The following SPTB variants were observed in gnomAD, a reference collection of about 807,000 sequenced individuals.
SPTB encodes spectrin beta chain, erythrocytic.
Under a neutral mutation model 256.2 loss-of-function variants are expected in SPTB, and 45 were observed. The observed-to-expected ratio is 0.18, with a 90% CI of 0.14 to 0.23. The LOEUF (loss-of-function observed/expected upper bound fraction) is 0.23, where lower values mean the gene tolerates loss of function less well. Ranked by LOEUF, SPTB falls within the 10% of genes least tolerant of loss-of-function variation. The probability of loss-of-function intolerance (pLI) is 1.00; values close to 1 mark genes in which losing one functional copy is unlikely to be tolerated. For missense variants in SPTB, 2,715 were observed against 3,040.4 expected, an observed-to-expected ratio of 0.89 and a Z score of 2.52; for synonymous variants, 1,231 against 1,243.1, an observed-to-expected ratio of 0.99 and a Z score of 0.21.
chr14:64,782,202 C>A, intron 20 of SPTB, 88 bp downstream of exon 20: 4 of 1,595,704 alleles, frequency 2.5e-6, no homozygotes, highest in Non-Finnish European at 2.6e-6. Context: ...CATGTACCCC[C>A]AAACCTAAAA....
rs1293625784 is a variant in SPTB at position 64,793,311 on chromosome 14, C to T, written c.2352G>A (p.Lys784=). Residue 784 remains lysine, a synonymous_variant, in exon 14 of 36, where the codon AAG becomes AAA. Transcript: ENST00000644917. This position sits in a 1 kb window ranked among gnomAD's most constrained non-coding sequence, Gnocchi z 7.0. ...DEGATRALGK[K]HKDFLEELEE... Reference sequence around the variant, plus strand: ...CCAGCTCCTCCAGGAAGTCCTTGTGCTTTTTCCCCAGGGCCCGCGTGGCCC... The same window carrying T: ...CCAGCTCCTCCAGGAAGTCCTTGTGTTTTTTCCCCAGGGCCCGCGTGGCCC... 2.5e-6 allele frequency: 4 copies of T among 1,607,938 alleles called. No homozygotes were observed. Among genetic ancestry groups the T allele is most frequent in the East Asian group, 2.2e-5 (1 of 44,892 alleles).
rs776434582 is a variant in SPTB, at chr14:64,749,083, CCT to C, written c.*221_*222del. On this transcript the variant is annotated 3_prime_UTR_variant, in exon 36 of 36. Coordinates refer to ENST00000644917, the MANE Select transcript of SPTB (RefSeq NM_001355436.2). This position sits in a 1 kb window ranked among gnomAD's most constrained non-coding sequence, Gnocchi z 4.7. ...AAAGGCGCCAGAGGAGCTGGGAGCCCCTGTCCCTGGAGCGGAGCCAGCGCGGG... is the reference window on the plus strand; with the variant it reads ...AAAGGCGCCAGAGGAGCTGGGAGCCCGTCCCTGGAGCGGAGCCAGCGCGGG... 95 of 481,140 alleles carry C rather than the reference CCT, an allele frequency of 2.0e-4. No homozygotes were observed. The highest frequency in any genetic ancestry group is 2.9e-4 in the Non-Finnish European group (80 of 274,748). The allele number at this position is 481,140 out of a possible 1,614,324, so 29.8% of individuals were successfully genotyped here. A position where few individuals can be genotyped will look rare whatever the true frequency, so the allele number is the denominator to read the frequency against.
At position 64,748,468 on chromosome 14, in the gene SPTB, C is replaced by G. The variant is rs2081883876; in HGVS notation, c.*838G>C. 6.6e-6 allele frequency: 1 copy of G among 152,348 alleles called. No individual in the cohort carries two copies. The highest frequency in any genetic ancestry group is 2.1e-4 in the South Asian group (1 of 4,838). The allele number at this position is 152,348 out of a possible 1,614,324, so 9.4% of individuals were successfully genotyped here. A position where few individuals can be genotyped will look rare whatever the true frequency, so the allele number is the denominator to read the frequency against. ...TGACGCACCTGTCACTCCTTCAGAT[C>G]AGAGCCCTGTGCCCTAGCCACGGTT... On this transcript the variant is annotated 3_prime_UTR_variant, in exon 36 of 36. Transcript: ENST00000644917.
At chr14:64,860,733 G>A (rs1321488204) in intron 1 of SPTB, among the ~76,000 whole-genome samples, 1 of 152,140 alleles carries the variant, frequency 6.6e-6, no homozygotes, top group African/African-American at 2.4e-5. Flanking sequence ...AAAAGTCCCT[G>A]CCCTAAAGAA....
chr14:64,788,932 A>G (rs978860790), intron 15 of SPTB, among the ~76,000 whole-genome samples: 1 of 152,212 alleles, frequency 6.6e-6, no homozygotes, highest in Non-Finnish European at 1.5e-5. Context: ...TGTTTGAATG[A>G]CTCACACATA....
intron 29 of SPTB, chr14:64,768,134 T>G (rs760786896): frequency 2.0e-4 from 99 of 504,594 alleles, no homozygotes; most frequent in Non-Finnish European, 3.3e-4. Context: ...CTCAGCCTCC[T>G]GGGTTCAAGT....
chr14:64,767,580 C>T, intron 30 of SPTB, 83 bp downstream of exon 30: 1 of 1,558,208 alleles, frequency 6.4e-7, no homozygotes, highest in South Asian at 1.1e-5. Context: ...AAGTACCTAA[C>T]AACTGGCCTG....
intron 3 of SPTB, 92 bp downstream of exon 3, chr14:64,804,847 A>C: frequency 1.3e-6 from 2 of 1,531,674 alleles, no homozygotes; most frequent in Non-Finnish European, 1.8e-6. Context: ...GAAAACTGGG[A>C]AGGCCAGGAG....
Position 64,852,351 on chromosome 14 carries a change from G to C in SPTB, c.-52+27441C>G, listed in dbSNP as rs191620423. On this transcript the variant is annotated intron_variant, in intron 1 of 35. Transcript: ENST00000644917. The surrounding 1 kb of genome is among the most constrained non-coding windows in gnomAD (Gnocchi z 4.2). ...TGGGAAACTGCTACCAGTTCAGAGAGGGGTGAGAGATAAGGCTGGGGGCCA... is the reference window on the plus strand; with the variant it reads ...TGGGAAACTGCTACCAGTTCAGAGACGGGTGAGAGATAAGGCTGGGGGCCA... Among the ~76,000 whole-genome samples, 41 of 152,290 alleles carry C rather than the reference G, an allele frequency of 2.7e-4. No individual in the cohort carries two copies. In the East Asian group the frequency reaches 7.3e-3, roughly 27 times the overall value.
chr14:64,750,957 T>A (rs1038837468), intron 33 of SPTB, among the ~76,000 whole-genome samples: 3 of 145,902 alleles, frequency 2.1e-5, no homozygotes, highest in Non-Finnish European at 4.5e-5. Context: ...TAATACATAT[T>A]TTATACATCA....
Position 64,779,846 on chromosome 14 carries a change from TCTC to T in SPTB, c.4349_4351del (p.Gly1450del), listed in dbSNP as rs781157097. On this transcript the variant is annotated inframe_deletion, in exon 21 of 36. Transcript: ENST00000644917. This position sits in a 1 kb window ranked among gnomAD's most constrained non-coding sequence, Gnocchi z 4.2. ...CCGCTTCTCGATGCTCAAGTCTGCA[TCTC>T]CTCCCTCCTCTCCCATTGAAGGCAC... 6.2e-7 allele frequency: 1 copy of T among 1,614,046 alleles called. No individual in the cohort carries two copies. Among genetic ancestry groups the T allele is most frequent in the Admixed American group, 1.7e-5 (1 of 60,004 alleles).
In SPTB at chr14:64,749,082, C is replaced by A. The variant is rs1055552966; in HGVS notation, c.*224G>T. On this transcript the variant is annotated 3_prime_UTR_variant, in exon 36 of 36. Coordinates refer to ENST00000644917, the MANE Select transcript of SPTB (RefSeq NM_001355436.2). The surrounding 1 kb of genome is among the most constrained non-coding windows in gnomAD (Gnocchi z 4.7). ...CAAAGGCGCCAGAGGAGCTGGGAGC[C>A]CCTGTCCCTGGAGCGGAGCCAGCGC... is the stretch of plus-strand genomic sequence containing the variant. The A allele has an allele frequency of 2.1e-6, 1 of 478,426 alleles. No individual in the cohort carries two copies. Among genetic ancestry groups the A allele is most frequent in the East Asian group, 4.5e-5 (1 of 22,324 alleles). The allele number at this position is 478,426 out of a possible 1,614,324, so 29.6% of individuals were successfully genotyped here.
In SPTB at chr14:64,841,757, T is replaced by TA. The variant is rs200217417; in HGVS notation, c.-51-18613_-51-18612insT. Among the ~76,000 whole-genome samples the TA allele has an allele frequency of 0.086, 13,018 of 151,260 alleles. 582 individuals are homozygous for TA. Among genetic ancestry groups the TA allele is most frequent in the Middle Eastern group, 0.13 (38 of 294 alleles). ...TGACATCCCATATATATATATATAT[T>TA]TTTTAAGGGTCTTTCTTTAACACAG... On this transcript the variant is annotated intron_variant, in intron 1 of 35. Transcript: ENST00000644917. The surrounding 1 kb of genome is among the most constrained non-coding windows in gnomAD (Gnocchi z 4.6).
intron 20 of SPTB, among the ~76,000 whole-genome samples, chr14:64,780,564 C>T (rs1467198890): frequency 6.6e-6 from 1 of 152,192 alleles, no homozygotes; most frequent in Non-Finnish European, 1.5e-5. Flanking sequence ...TAGGCGTGTG[C>T]CACCACACTC....
At position 64,770,905 on chromosome 14, in the gene SPTB, G is replaced by C. The variant is rs139457633; in HGVS notation, c.5778C>G (p.Ile1926Met). ...LSWMESIIRQIETQERPRDVS... is the reference protein window; with the variant it reads ...LSWMESIIRQMETQERPRDVS... ...CTCACCTGGGCCTCTCCTGGGTCTCGATCTGCCGGATGATGCTCTCCATCC... is the reference window on the plus strand; with the variant it reads ...CTCACCTGGGCCTCTCCTGGGTCTCCATCTGCCGGATGATGCTCTCCATCC... The change falls in exon 27 of 36, where the codon ATC becomes ATG. Residue 1926 changes from isoleucine to methionine, a missense_variant. Physicochemically the swap from Ile to Met is conservative, Grantham distance 10 (BLOSUM62 1). Transcript: ENST00000644917. The C allele has an allele frequency of 6.2e-7, 1 of 1,614,074 alleles. No homozygotes were observed. The highest frequency in any genetic ancestry group is 1.7e-5 in the Admixed American group (1 of 60,024).
At chr14:64,791,227 C>T (rs1040963125) in intron 15 of SPTB, among the ~76,000 whole-genome samples, 2 of 152,144 alleles carry the variant, frequency 1.3e-5, no homozygotes, top group African/African-American at 4.8e-5. Flanking sequence ...TTCCTCCTTG[C>T]TGCTATAGTT....
chr14:64,772,663 C>G lies in SPTB; in HGVS notation c.5470G>C (p.Val1824Leu). 3.7e-6 allele frequency: 6 copies of G among 1,613,452 alleles called. No individual in the cohort carries two copies. Among genetic ancestry groups the G allele is most frequent in the Non-Finnish European group, 5.1e-6 (6 of 1,179,782 alleles). The change falls in exon 26 of 36, where the codon GTG becomes CTG. Residue 1824 changes from valine (V) to leucine (L), a missense_variant. Physicochemically the swap from Val to Leu is conservative, Grantham distance 32. Coordinates refer to ENST00000644917, the MANE Select transcript of SPTB (RefSeq NM_001355436.2). This position sits in a 1 kb window ranked among gnomAD's most constrained non-coding sequence, Gnocchi z 5.4. Reference sequence around the variant, plus strand: ...TCGGCCGTGCTGGCGTCCAGCCCCACGTCCTCGGGCAGCTCGCGGTGCTTC... The same window carrying G: ...TCGGCCGTGCTGGCGTCCAGCCCCAGGTCCTCGGGCAGCTCGCGGTGCTTC... ...DEKHRELPED[V>L]GLDASTAESF... is the part of the protein sequence containing the mutation.
chr14:64,787,013 C>G lies in SPTB; in HGVS notation c.2952G>C (p.Gly984=). ...TGGCGATGATACCTGCCAGGTCCCG[C>G]CCCAGGTCTTTTGTGGACTCCACTA... ...TKVVESTKDL[G]RDLAGIIAIQ... Residue 984 remains glycine, a synonymous_variant, in exon 16 of 36, where the codon GGG becomes GGC. Transcript: ENST00000644917. 6.2e-7 allele frequency: 1 copy of G among 1,614,156 alleles called. No individual in the cohort carries two copies. The highest frequency in any genetic ancestry group is 1.1e-5 in the South Asian group (1 of 91,084).
rs1594772350 is a variant in SPTB at position 64,784,411 on chromosome 14, G to C, written c.3856-18C>G. 1 of 1,613,830 alleles carries C rather than the reference G, an allele frequency of 6.2e-7. No homozygotes were observed. Among genetic ancestry groups the C allele is most frequent in the Non-Finnish European group, 8.5e-7 (1 of 1,180,010 alleles). ...AGAGTGAGCTGTGTGCATAAAGAGTGGGCTGACTATCCCTGAGTATATTTC... is the reference window on the plus strand; with the variant it reads ...AGAGTGAGCTGTGTGCATAAAGAGTCGGCTGACTATCCCTGAGTATATTTC... On this transcript the variant is annotated intron_variant, in intron 18 of 35. Coordinates refer to ENST00000644917, the MANE Select transcript of SPTB (RefSeq NM_001355436.2).
Sources: allele counts gnomAD v4.1 joint callset (sites outside exome capture counted in the v4.1 genomes callset), GRCh38; gene constraint gnomAD v4.1.1; non-coding constraint Gnocchi (gnomAD v3.1); transcripts MANE v1.5; gene names NCBI Gene and HGNC (gene_info 2026-07-23, HGNC 2026-07-21).